ST7: variants seen among roughly 807,000 people sequenced by gnomAD.
ST7 encodes the protein suppression of tumorigenicity 7.
In ST7, 28 loss-of-function variants were observed where a neutral mutation model predicts 78.7. That is an observed-to-expected ratio of 0.36 (90% CI 0.26 to 0.49). The LOEUF is 0.49. Among genes scored for constraint, ST7 ranks in the 20% least tolerant of loss-of-function variants. The probability of loss-of-function intolerance (pLI) is 0.99; values close to 1 mark genes in which losing one functional copy is unlikely to be tolerated. For missense variants in ST7, 418 were observed against 696.0 expected, an observed-to-expected ratio of 0.60 and a Z score of 4.49; for synonymous variants, 247 against 249.6, an observed-to-expected ratio of 0.99 and a Z score of 0.10.
intron 1 of ST7, among the ~76,000 whole-genome samples, chr7:116,966,708 C>T (rs1160711145): frequency 1.3e-5 from 2 of 152,172 alleles, no homozygotes; most frequent in African/African-American, 4.8e-5. Context: ...AATCAATTTA[C>T]TTACTGGAGA....
chr7:117,106,480 G>A (rs1477832580), intron 2 of ST7, among the ~76,000 whole-genome samples: 1 of 151,814 alleles, frequency 6.6e-6, no homozygotes, highest in African/African-American at 2.4e-5. Flanking sequence ...AAGTTCTTTA[G>A]TGGCTATTTC....
intron 3 of ST7, among the ~76,000 whole-genome samples, chr7:117,126,008 T>C (rs1325074822): frequency 6.6e-6 from 1 of 152,010 alleles, no homozygotes; most frequent in Non-Finnish European, 1.5e-5. Flanking sequence ...GGGTGTAATA[T>C]ATACCCCTAA....
chr7:117,108,603 G>T (rs761616069), intron 2 of ST7, among the ~76,000 whole-genome samples: 3 of 151,936 alleles, frequency 2.0e-5, no homozygotes, highest in Non-Finnish European at 4.4e-5. Context: ...GAATTTTTTG[G>T]TTGTTTTTTT....
At chr7:117,210,340 A>G (rs922236251) in intron 13 of ST7, among the ~76,000 whole-genome samples, 2 of 152,206 alleles carry the variant, frequency 1.3e-5, no homozygotes, top group Non-Finnish European at 2.9e-5. Context: ...TAAGAGCCAC[A>G]GTTATCCTCC....
At chr7:117,087,357 T>C (rs1385083963) in intron 1 of ST7, among the ~76,000 whole-genome samples, 2 of 152,232 alleles carry the variant, frequency 1.3e-5, no homozygotes, top group Non-Finnish European at 2.9e-5. Context: ...AATATACATA[T>C]GTGTGTAGTG....
chr7:116,958,654 T>C (rs1194330548), intron 1 of ST7: 3 of 471,232 alleles, frequency 6.4e-6, no homozygotes, highest in East Asian at 6.9e-5. Context: ...CTTGGAGATA[T>C]TGCAAGTTTG....
intron 12 of ST7, among the ~76,000 whole-genome samples, chr7:117,209,347 A>G (rs1474333370): frequency 6.6e-6 from 1 of 152,186 alleles, no homozygotes; most frequent in Non-Finnish European, 1.5e-5. Flanking sequence ...TCTCCTTGAT[A>G]CATGTGTATA....
chr7:117,192,886 A>G (rs1023394673), intron 12 of ST7, among the ~76,000 whole-genome samples: 3 of 152,202 alleles, frequency 2.0e-5, no homozygotes, highest in African/African-American at 7.2e-5. Context: ...AAAAGTGGAA[A>G]CATTTCAAAT....
At chr7:117,033,376 G>T (rs1205124095) in intron 1 of ST7, among the ~76,000 whole-genome samples, 1 of 151,812 alleles carries the variant, frequency 6.6e-6, no homozygotes, top group East Asian at 1.9e-4. Flanking sequence ...TATAATTCAT[G>T]CATGTCTGCT....
chr7:117,182,498 G>A (rs1284872800), intron 10 of ST7, among the ~76,000 whole-genome samples: 2 of 152,184 alleles, frequency 1.3e-5, no homozygotes, highest in African/African-American at 2.4e-5. Flanking sequence ...GGAATCAGAT[G>A]TGAAATCCTG....
At chr7:117,022,733 T>A (rs1260894071) in intron 1 of ST7, among the ~76,000 whole-genome samples, 1 of 152,176 alleles carries the variant, frequency 6.6e-6, no homozygotes, top group Non-Finnish European at 1.5e-5. Flanking sequence ...AAGGGTTAAT[T>A]TTTTTCTAAC....
chr7:117,096,719 A>G (rs1801073914), intron 1 of ST7, among the ~76,000 whole-genome samples: 1 of 152,248 alleles, frequency 6.6e-6, no homozygotes, highest in Non-Finnish European at 1.5e-5. Flanking sequence ...ATGAATACAT[A>G]GGTTGAAATA....
At chr7:117,008,694 G>C (rs1000115176) in intron 1 of ST7, among the ~76,000 whole-genome samples, 6 of 152,162 alleles carry the variant, frequency 3.9e-5, no homozygotes, top group Admixed American at 1.3e-4. Flanking sequence ...TTCTGACCCT[G>C]ATGCAATCAG....
chr7:117,075,033 A>C (rs1284760717), intron 1 of ST7, among the ~76,000 whole-genome samples: 1 of 152,174 alleles, frequency 6.6e-6, no homozygotes, highest in Non-Finnish European at 1.5e-5. Flanking sequence ...AATCCAAGTA[A>C]CTGAATATTT....
intron 1 of ST7, among the ~76,000 whole-genome samples, chr7:116,977,816 G>T (rs1038008440): frequency 6.6e-6 from 1 of 152,214 alleles, no homozygotes; most frequent in Admixed American, 6.5e-5. Context: ...GCCTCCCAAA[G>T]TTCTGGGATT....
chr7:117,054,430 C>T (rs1425170014), intron 1 of ST7, among the ~76,000 whole-genome samples: 3 of 152,194 alleles, frequency 2.0e-5, no homozygotes, highest in Non-Finnish European at 4.4e-5. Context: ...GCCTGTGACA[C>T]AATGCGTCGC....
At position 116,972,695 on chromosome 7, in the gene ST7, C is replaced by T. The variant is rs1793491497; in HGVS notation, c.151+19004C>T. On this transcript the variant is annotated intron_variant, in intron 1 of 15. Transcript: ENST00000323984. The stretch of plus-strand genomic sequence containing the variant: ...TCCGCTTCTTCCAGCTTTTGCAGGG[C>T]AGTGGCTGGGCGCTCCTGAGCACAG... 5 of 975,156 alleles carry T rather than the reference C, an allele frequency of 5.1e-6. No homozygotes were observed. The Admixed American group carries it at 6.9e-5, about 13-fold the overall frequency. 60.4% of individuals were successfully genotyped at this position (975,156 alleles called of 1,614,324 possible).
intron 1 of ST7, among the ~76,000 whole-genome samples, chr7:116,992,266 C>T (rs1194558205): frequency 6.6e-6 from 1 of 152,232 alleles, no homozygotes; most frequent in Non-Finnish European, 1.5e-5. Flanking sequence ...TCTGCACTGC[C>T]CTAGCAGAGG....
At chr7:117,160,080 T>A (rs1409097516) in intron 9 of ST7, among the ~76,000 whole-genome samples, 1 of 150,740 alleles carries the variant, frequency 6.6e-6, no homozygotes, top group Non-Finnish European at 1.5e-5. Flanking sequence ...AATTTTAATT[T>A]AATTTAATTC....
Sources: gnomAD v4.1 joint callset for allele counts (sites outside exome capture counted in the v4.1 genomes callset) on GRCh38, gnomAD v4.1.1 for gene constraint, MANE v1.5 for transcripts, NCBI Gene and HGNC (gene_info 2026-07-23, HGNC 2026-07-21) for gene names.